KLF12: variants seen among roughly 807,000 people sequenced by gnomAD.
The protein encoded by KLF12 is KLF transcription factor 12, also known as Krueppel-like factor 12.
In KLF12, 9 loss-of-function variants were observed where a neutral mutation model predicts 37.8. The observed-to-expected ratio is 0.24, with a 90% CI of 0.14 to 0.42. The LOEUF is 0.42. Ranked by LOEUF, KLF12 falls within the 10% of genes least tolerant of loss-of-function variation. The pLI, the probability that KLF12 is intolerant of heterozygous loss-of-function variation, is 1.00. For missense variants in KLF12, 411 were observed against 516.0 expected, an observed-to-expected ratio of 0.80 and a Z score of 1.97; for synonymous variants, 208 against 202.1, an observed-to-expected ratio of 1.03 and a Z score of -0.25.
At chr13:74,216,530 C>A in the KLF12 span, among the ~76,000 whole-genome samples, 1 of 152,098 alleles carries the variant, frequency 6.6e-6, no homozygotes, top group Non-Finnish European at 1.5e-5. Context: ...GGGTGAAGGA[C>A]CAGGGTAGAT....
intron 1 of KLF12, among the ~76,000 whole-genome samples, chr13:74,077,831 G>A (rs1266918428): frequency 6.6e-6 from 1 of 152,148 alleles, no homozygotes; most frequent in African/African-American, 2.4e-5. Flanking sequence ...AATTTTCCTT[G>A]TAGCATCAGT....
chr13:74,212,788 A>T, the KLF12 span, among the ~76,000 whole-genome samples: 1 of 152,204 alleles, frequency 6.6e-6, no homozygotes, highest in Admixed American at 6.5e-5. Flanking sequence ...CATTTTACTC[A>T]GGATCAATTC....
chr13:73,939,192 C>T (rs1456282479), intron 3 of KLF12, among the ~76,000 whole-genome samples: 1 of 152,186 alleles, frequency 6.6e-6, no homozygotes, highest in Admixed American at 6.5e-5. Context: ...GCAGATTCCT[C>T]AGACTTAGGA....
intron 6 of KLF12, among the ~76,000 whole-genome samples, chr13:73,719,302 A>T (rs115841345): frequency 0.013 from 1,971 of 152,234 alleles, 37 homozygotes; most frequent in African/African-American, 0.045. Flanking sequence ...GGGCACTGCA[A>T]GTGGACGACA....
intron 1 of KLF12, among the ~76,000 whole-genome samples, chr13:74,002,042 A>C (rs1892294143): frequency 6.6e-6 from 1 of 152,234 alleles, no homozygotes. Context: ...TGACATGTTG[A>C]CATAGTGGTC....
At chr13:74,304,107 T>A in the KLF12 span, among the ~76,000 whole-genome samples, 1 of 152,130 alleles carries the variant, frequency 6.6e-6, no homozygotes, top group Admixed American at 6.6e-5. Context: ...GATGCTGTGA[T>A]TTTTCGGAAC....
At chr13:73,789,860 T>C (rs1320039199) in intron 5 of KLF12, among the ~76,000 whole-genome samples, 2 of 152,086 alleles carry the variant, frequency 1.3e-5, no homozygotes, top group African/African-American at 2.4e-5. Context: ...GTATTTTTAG[T>C]AGAGACGGGG....
intron 7 of KLF12, among the ~76,000 whole-genome samples, chr13:73,712,415 T>C (rs1444166737): frequency 6.6e-6 from 1 of 150,584 alleles, no homozygotes; most frequent in African/African-American, 2.5e-5. Flanking sequence ...ATGATAAAAC[T>C]TGAATGAATG....
chr13:74,110,413 T>C (rs1876906593), intron 1 of KLF12, among the ~76,000 whole-genome samples: 1 of 152,210 alleles, frequency 6.6e-6, no homozygotes, highest in Non-Finnish European at 1.5e-5. Context: ...TAGATTGTAA[T>C]AACAAATAGT....
At chr13:74,235,335 G>A in the KLF12 span, among the ~76,000 whole-genome samples, 1 of 152,152 alleles carries the variant, frequency 6.6e-6, no homozygotes, top group Non-Finnish European at 1.5e-5. Context: ...TGTGTCAAGA[G>A]TTTATCTAAG....
intron 3 of KLF12, among the ~76,000 whole-genome samples, chr13:73,870,474 G>GTCA (rs1266835540): frequency 2.0e-5 from 3 of 152,088 alleles, no homozygotes; most frequent in South Asian, 4.1e-4. Context: ...TCCATGCCTT[G>GTCA]GTATTTATTC....
intron 5 of KLF12, among the ~76,000 whole-genome samples, chr13:73,790,038 G>A (rs1360111396): frequency 1.3e-5 from 2 of 152,132 alleles, no homozygotes; most frequent in African/African-American, 4.8e-5. Flanking sequence ...CCTACTTTGT[G>A]CAGTTGTAGG....
At position 74,040,065 on chromosome 13, in the gene KLF12, T is replaced by C. The variant is rs1046840438; in HGVS notation, c.-31-45012A>G. 3.9e-5 allele frequency among the ~76,000 whole-genome samples: 6 copies of C among 152,336 alleles called. No homozygotes were observed. In the South Asian group the frequency reaches 1.2e-3, roughly 32 times the overall value. ...AAATATATAAATGGTAAATCACATA[T>C]ATAGGACCCTTTCTTCAAATTTTCC... On this transcript the variant is annotated intron_variant, in intron 1 of 7. Coordinates refer to ENST00000377669, the MANE Select transcript of KLF12 (RefSeq NM_007249.5).
Position 73,940,824 on chromosome 13 carries a change from C to A in KLF12, c.123+3157G>T, listed in dbSNP as rs115995301. Among the ~76,000 whole-genome samples the A allele has an allele frequency of 9.6e-3, 1,461 of 152,270 alleles. 16 individuals carry two copies. Among genetic ancestry groups the A allele is most frequent in the African/African-American group, 0.032 (1,311 of 41,546 alleles). On this transcript the variant is annotated intron_variant, in intron 3 of 7. Coordinates refer to ENST00000377669, the MANE Select transcript of KLF12 (RefSeq NM_007249.5). Reference sequence around the variant, plus strand: ...GAGGCAAGGCAGCCAGAACTTTTCACAGAAGAGATGCAGGCCTGTTCCCAG... The same window carrying A: ...GAGGCAAGGCAGCCAGAACTTTTCAAAGAAGAGATGCAGGCCTGTTCCCAG...
the KLF12 span, among the ~76,000 whole-genome samples, chr13:74,232,502 C>A: frequency 6.6e-6 from 1 of 152,142 alleles, no homozygotes; most frequent in East Asian, 1.9e-4. Flanking sequence ...CTTGTCATAT[C>A]TTTTTCCATG....
the KLF12 span, among the ~76,000 whole-genome samples, chr13:74,212,251 T>C: frequency 2.0e-5 from 3 of 152,180 alleles, no homozygotes; most frequent in Non-Finnish European, 4.4e-5. Flanking sequence ...ACATTTAGAA[T>C]ATAATTTAAT....
chr13:73,715,151 G>A (rs1231972136), intron 7 of KLF12, among the ~76,000 whole-genome samples: 1 of 152,106 alleles, frequency 6.6e-6, no homozygotes, highest in Non-Finnish European at 1.5e-5. Flanking sequence ...AAGACTACTA[G>A]ATCACTATGT....
the KLF12 span, among the ~76,000 whole-genome samples, chr13:74,239,910 G>A: frequency 2.0e-5 from 3 of 151,424 alleles, no homozygotes; most frequent in African/African-American, 4.9e-5. Context: ...TTGCCAGTCT[G>A]TGTCTTTTAA....
the KLF12 span, among the ~76,000 whole-genome samples, chr13:74,184,287 T>C: frequency 0.017 from 2,655 of 152,322 alleles, 71 homozygotes; most frequent in African/African-American, 0.058. Flanking sequence ...TAAATATCAT[T>C]TCAGAAGATA....
Sources: allele counts gnomAD v4.1 joint callset (sites outside exome capture counted in the v4.1 genomes callset), GRCh38; gene constraint gnomAD v4.1.1; transcripts MANE v1.5; gene names NCBI Gene and HGNC (gene_info 2026-07-23, HGNC 2026-07-21).